The following EHBP1 variants were observed in gnomAD, a reference collection of about 807,000 sequenced individuals.
EHBP1 encodes the protein EH domain binding protein 1.
EHBP1 carries 55 observed loss-of-function variants against 144.0 expected under a neutral mutation model. The observed-to-expected ratio is 0.38, with a 90% CI of 0.31 to 0.48. The LOEUF (loss-of-function observed/expected upper bound fraction) is 0.48, where lower values mean the gene tolerates loss of function less well. Among genes scored for constraint, EHBP1 ranks in the 20% least tolerant of loss-of-function variants. The pLI is 0.98. For synonymous variants in EHBP1, 469 were observed against 472.7 expected (o/e 0.99, Z 0.10); for missense variants, 1,200 against 1,364.2 (o/e 0.88, Z 1.90).
intron 4 of EHBP1, among the ~76,000 whole-genome samples, chr2:62,765,511 C>A (rs898376041): frequency 2.6e-5 from 4 of 152,040 alleles, no homozygotes; most frequent in African/African-American, 9.7e-5. Context: ...AGTGCCTACA[C>A]TGAATTAACA....
intron 9 of EHBP1, 79 bp downstream of exon 9, chr2:62,865,050 G>T: frequency 7.0e-7 from 1 of 1,437,204 alleles, no homozygotes; most frequent in South Asian, 1.3e-5. Flanking sequence ...TGTACCTTTA[G>T]ATGGGTACAA....
At chr2:62,715,375 A>G (rs555014097) in intron 2 of EHBP1, among the ~76,000 whole-genome samples, 35 of 152,126 alleles carry the variant, frequency 2.3e-4, no homozygotes, top group African/African-American at 8.4e-4. Context: ...CGGCCTCCCA[A>G]AGTGCTGGGA....
At chr2:62,844,807 A>G (rs1202127171) in intron 7 of EHBP1, among the ~76,000 whole-genome samples, 1 of 152,182 alleles carries the variant, frequency 6.6e-6, no homozygotes, top group Non-Finnish European at 1.5e-5. Context: ...TTGTGTTGCA[A>G]AGATCACCAT....
At chr2:62,766,342 G>A (rs1418799045) in intron 4 of EHBP1, among the ~76,000 whole-genome samples, 2 of 152,030 alleles carry the variant, frequency 1.3e-5, no homozygotes, top group Non-Finnish European at 2.9e-5. Context: ...GCCTAGGTAC[G>A]ATCTCAACTA....
At chr2:62,842,939 A>G (rs2048021765) in intron 7 of EHBP1, among the ~76,000 whole-genome samples, 1 of 152,178 alleles carries the variant, frequency 6.6e-6, no homozygotes, top group South Asian at 2.1e-4. Flanking sequence ...TTTTAAGGAA[A>G]ATATAGATGT....
intron 10 of EHBP1, among the ~76,000 whole-genome samples, chr2:62,914,847 T>C (rs1006005113): frequency 2.6e-5 from 4 of 152,048 alleles, no homozygotes; most frequent in Non-Finnish European, 5.9e-5. Context: ...CATCCCAATA[T>C]CATAAAATCT....
intron 15 of EHBP1, 77 bp from the exon 16 acceptor site, chr2:62,990,639 G>C: frequency 7.0e-7 from 1 of 1,430,362 alleles, no homozygotes; most frequent in Non-Finnish European, 9.7e-7. Context: ...ATACTTTTCT[G>C]AGCTCACATA....
chr2:62,703,782 C>T (rs1159481622), upstream of EHBP1, among the ~76,000 whole-genome samples: 2 of 152,156 alleles, frequency 1.3e-5, no homozygotes, highest in South Asian at 2.1e-4. Context: ...CCATTTAAAA[C>T]TTATTACTTT....
chr2:62,719,363 T>C (rs965346042), intron 2 of EHBP1, among the ~76,000 whole-genome samples: 1 of 152,210 alleles, frequency 6.6e-6, no homozygotes, highest in African/African-American at 2.4e-5. Context: ...GCTCATTTTT[T>C]TTTCTCTGAA....
At chr2:62,729,729 T>C (rs1203060871) in intron 2 of EHBP1, among the ~76,000 whole-genome samples, 3 of 150,936 alleles carry the variant, frequency 2.0e-5, no homozygotes, top group African/African-American at 7.3e-5. Context: ...GGAATTGCTG[T>C]GTCAAAAGGT....
At chr2:62,714,328 G>A (rs1172093625) in intron 2 of EHBP1, among the ~76,000 whole-genome samples, 1 of 152,200 alleles carries the variant, frequency 6.6e-6, no homozygotes, top group African/African-American at 2.4e-5. Flanking sequence ...ACCTTTCTGT[G>A]TTCTCTGTGC....
intron 1 of EHBP1, among the ~76,000 whole-genome samples, chr2:62,685,497 C>T (rs1006773729): frequency 6.6e-6 from 1 of 152,050 alleles, no homozygotes; most frequent in African/African-American, 2.4e-5. Flanking sequence ...CTGTGGTTGT[C>T]TGTGTCCCAG....
intron 7 of EHBP1, among the ~76,000 whole-genome samples, chr2:62,843,281 C>G (rs568581117): frequency 1.3e-5 from 2 of 152,120 alleles, no homozygotes; most frequent in African/African-American, 2.4e-5. Context: ...GCTTCATTCT[C>G]TCTGGCTTAT....
At chr2:62,837,368 C>T (rs1197103548) in intron 7 of EHBP1, among the ~76,000 whole-genome samples, 4 of 145,476 alleles carry the variant, frequency 2.7e-5, no homozygotes, top group Non-Finnish European at 4.6e-5. Flanking sequence ...ACAACCGGTA[C>T]CAGCCGCTGC....
rs1340354634 is a variant in EHBP1 at position 62,859,252 on chromosome 2, G to A, written c.718G>A (p.Ala240Thr). 1.2e-6 allele frequency: 2 copies of A among 1,610,824 alleles called. No individual in the cohort carries two copies. Among genetic ancestry groups the A allele is most frequent in the Non-Finnish European group, 1.7e-6 (2 of 1,177,850 alleles). ...VNSNPFDDPD[A>T]AELNPFGDPD... The stretch of plus-strand genomic sequence containing the variant: ...TTCAAATCCATTTGATGATCCTGAT[G>A]CTGCAGAATTAAATCCATTTGGAGA... Residue 240 changes from alanine to threonine, a missense_variant, in exon 8 of 23, where the codon GCT becomes ACT. Physicochemically the swap from Ala to Thr is moderately conservative, Grantham distance 58. Coordinates refer to ENST00000431489, the MANE Select transcript of EHBP1 (RefSeq NM_001142616.3).
intron 15 of EHBP1, chr2:62,988,024 A>G (rs1215054115): frequency 5.0e-6 from 8 of 1,598,146 alleles, no homozygotes; most frequent in Non-Finnish European, 6.8e-6. Flanking sequence ...TTAGAAAATG[A>G]CCTTGATACT....
rs889548640 is a variant in EHBP1 at position 62,747,777 on chromosome 2, C to T, written c.162+325C>T. Among the ~76,000 whole-genome samples the T allele has an allele frequency of 7.9e-5, 12 of 151,960 alleles. No individual in the cohort carries two copies. The South Asian group carries it at 2.3e-3, about 29-fold the overall frequency. ...ATAGCAAAAACTGCAGTTACTTTTG[C>T]ACCAACCTAATATAAGGAGGTGGGG... On this transcript the variant is annotated intron_variant, in intron 3 of 22. Coordinates refer to ENST00000431489, the MANE Select transcript of EHBP1 (RefSeq NM_001142616.3).
chr2:62,906,390 G>A (rs559383417), intron 10 of EHBP1, among the ~76,000 whole-genome samples: 16 of 152,154 alleles, frequency 1.1e-4, no homozygotes, highest in South Asian at 8.3e-4. Flanking sequence ...GTGTAAGTTC[G>A]TCATCTTGCT....
chr2:62,904,832 A>G (rs2053674135), intron 10 of EHBP1, among the ~76,000 whole-genome samples: 1 of 152,148 alleles, frequency 6.6e-6, no homozygotes, highest in Non-Finnish European at 1.5e-5. Flanking sequence ...CCCTAAATTC[A>G]TGCTAAAGAT....
Sources: allele counts gnomAD v4.1 joint callset (sites outside exome capture counted in the v4.1 genomes callset), GRCh38; gene constraint gnomAD v4.1.1; transcripts MANE v1.5; gene names NCBI Gene and HGNC (gene_info 2026-07-23, HGNC 2026-07-21).